The following CLGN variants were observed in gnomAD, a reference collection of about 807,000 sequenced individuals.
CLGN encodes the protein calmegin.
A neutral mutation model predicts 79.1 loss-of-function variants in CLGN; 62 were observed. The ratio of observed to expected loss-of-function variants is 0.78; its 90% CI spans 0.64 to 0.97. CLGN has a LOEUF of 0.97. Among genes scored for constraint, CLGN ranks in the 50% least tolerant of loss-of-function variants. The pLI is 0.00. For synonymous variants in CLGN, 225 were observed against 224.7 expected (o/e 1.00, Z -0.01); for missense variants, 647 against 715.5 (o/e 0.90, Z 1.09).
chr4:140,422,928 T>C (rs55718354), intron 1 of CLGN, among the ~76,000 whole-genome samples: 13,241 of 152,292 alleles, frequency 0.087, 895 homozygotes, highest in African/African-American at 0.19. Context: ...TCATTTATTA[T>C]TTCTAACAGA....
rs186073187 is a variant in CLGN, at chr4:140,406,136, A to G, written c.278-53T>C. 1.8e-5 allele frequency: 28 copies of G among 1,552,134 alleles called. No individual in the cohort carries two copies. In the East Asian group the frequency reaches 6.1e-4, roughly 34 times the overall value. On this transcript the variant is annotated intron_variant, in intron 4 of 14. Coordinates refer to ENST00000325617, the MANE Select transcript of CLGN (RefSeq NM_004362.3). ...CTAAAACAGAAAACATTGACCTAAGAATTATTTATCAGCAGTTGTGAACAA... is the reference window on the plus strand; with the variant it reads ...CTAAAACAGAAAACATTGACCTAAGGATTATTTATCAGCAGTTGTGAACAA...
At chr4:140,402,714 G>GT (rs3840293) in intron 5 of CLGN, among the ~76,000 whole-genome samples, 13 of 151,692 alleles carry the variant, frequency 8.6e-5, no homozygotes, top group African/African-American at 3.1e-4. Flanking sequence ...TCTCAGCAAA[G>GT]TTTTTTTTTC....
In CLGN at chr4:140,390,730, T is replaced by C; in HGVS notation, c.1652-2A>G. On this transcript the variant is annotated splice_acceptor_variant, in intron 13 of 14. Transcript: ENST00000325617. LOFTEE classifies it high-confidence loss of function. ...TTTCCTCAGGTTCACTTTCCTCTTC[T>C]AGAATACAGATTTTGTTAAAAGCAA... 6.3e-7 allele frequency: 1 copy of C among 1,588,034 alleles called. No homozygotes were observed. The highest frequency in any genetic ancestry group is 1.1e-5 in the South Asian group (1 of 88,172).
At chr4:140,390,760 T>C (rs1279075347) in intron 13 of CLGN, 32 bp from the exon 14 acceptor site, 3 of 1,439,182 alleles carry the variant, frequency 2.1e-6, no homozygotes, top group Non-Finnish European at 2.9e-6. Context: ...AAGCAAAGAC[T>C]CAATAAATTA....
At chr4:140,407,418 C>T (rs1051965632) in intron 4 of CLGN, among the ~76,000 whole-genome samples, 2 of 151,894 alleles carry the variant, frequency 1.3e-5, no homozygotes, top group African/African-American at 4.8e-5. Context: ...TGATTGCATA[C>T]CTAGAAAACC....
At position 140,413,011 on chromosome 4, in the gene CLGN, T is replaced by A; in HGVS notation, c.68A>T (p.Asp23Val). ...AAAGTCTTCCGTCTCAACATCATCA[T>A]CCATAAATTCTGCATTAATTGAGAT... The part of the protein sequence containing the change: ...LFISINAEFM[D>V]DDVETEDFEE... Residue 23 changes from aspartate (D) to valine (V), a missense_variant, in exon 2 of 15, where the codon GAT becomes GTT. Transcript: ENST00000325617. 1 of 1,613,346 alleles carries A rather than the reference T, an allele frequency of 6.2e-7. No individual in the cohort carries two copies. The highest frequency in any genetic ancestry group is 8.5e-7 in the Non-Finnish European group (1 of 1,179,506).
At chr4:140,410,858 C>T (rs1170409723) in intron 2 of CLGN, among the ~76,000 whole-genome samples, 1 of 151,928 alleles carries the variant, frequency 6.6e-6, no homozygotes, top group East Asian at 1.9e-4. Flanking sequence ...GATACACTGA[C>T]CCCTTCTAAC....
intron 1 of CLGN, among the ~76,000 whole-genome samples, chr4:140,420,993 T>G (rs922690992): frequency 6.6e-6 from 1 of 152,156 alleles, no homozygotes; most frequent in Non-Finnish European, 1.5e-5. Flanking sequence ...ACCATCTTTC[T>G]AATATCTATC....
In CLGN at chr4:140,400,378, TC is replaced by T; in HGVS notation, c.672del (p.Lys225ArgfsTer8). 1 of 1,611,180 alleles carries T rather than the reference TC, an allele frequency of 6.2e-7. No homozygotes were observed. On this transcript the variant is annotated frameshift_variant, in exon 7 of 15. Transcript: ENST00000325617. LOFTEE classifies it high-confidence loss of function. ...DVDLKKFFTD[R>X]KTHLYTLVMN... Reference sequence around the variant, plus strand: ...ATACCAAGGGTATAAAGATGAGTCTTCCTGTCTGTAAAGAACTTTTTAAGGT... The same window carrying T: ...ATACCAAGGGTATAAAGATGAGTCTTCTGTCTGTAAAGAACTTTTTAAGGT...
chr4:140,426,689 G>A (rs569175067), intron 1 of CLGN: 1 of 152,242 alleles, frequency 6.6e-6, no homozygotes, highest in South Asian at 2.1e-4. Flanking sequence ...TTCTTCCTGT[G>A]GCCACGTTAT....
Position 140,405,950 on chromosome 4 carries a change from C to T in CLGN, c.411G>A (p.Leu137=). Residue 137 remains leucine (L), a synonymous_variant, in exon 5 of 15, where the codon TTG becomes TTA. Coordinates refer to ENST00000325617, the MANE Select transcript of CLGN (RefSeq NM_004362.3). ...AKPFIFADKP[L]IVQYEVNFQD... is the part of the protein sequence containing the mutation. Reference sequence around the variant, plus strand: ...AACATAGCAACACTTACTGAACTATCAAGGGTTTATCAGCAAAAATGAATG... The same window carrying T: ...AACATAGCAACACTTACTGAACTATTAAGGGTTTATCAGCAAAAATGAATG... 1 of 1,609,728 alleles carries T rather than the reference C, an allele frequency of 6.2e-7. No homozygotes were observed. The highest frequency in any genetic ancestry group is 2.2e-5 in the East Asian group (1 of 44,596).
rs1729085385 is a variant in CLGN at position 140,405,314 on chromosome 4, A to G, written c.419+628T>C. Among the ~76,000 whole-genome samples, 3 of 147,444 alleles carry G rather than the reference A, an allele frequency of 2.0e-5. No individual in the cohort carries two copies. The South Asian group carries it at 6.4e-4, about 31-fold the overall frequency. On this transcript the variant is annotated intron_variant, in intron 5 of 14. Transcript: ENST00000325617. ...ATTCTCCTGCCTCAGCCTCCCAAGT[A>G]GCTGGGACTACAGGCGCCCGCCACT...
chr4:140,415,543 C>T (rs1729311548), intron 1 of CLGN, among the ~76,000 whole-genome samples: 1 of 152,124 alleles, frequency 6.6e-6, no homozygotes, highest in East Asian at 1.9e-4. Context: ...AAGGCAGGGG[C>T]TGCAATCCTA....
chr4:140,398,579 T>C (rs1728938089), intron 8 of CLGN, among the ~76,000 whole-genome samples: 1 of 152,076 alleles, frequency 6.6e-6, no homozygotes, highest in African/African-American at 2.4e-5. Context: ...AGCACTGGTA[T>C]TTTGGATTTA....
At chr4:140,403,489 T>C (rs1729035964) in intron 5 of CLGN, among the ~76,000 whole-genome samples, 1 of 152,236 alleles carries the variant, frequency 6.6e-6, no homozygotes, top group African/African-American at 2.4e-5. Flanking sequence ...TGACAAAATT[T>C]TGTTTTTCAT....
chr4:140,425,994 G>A (rs1166264763), intron 1 of CLGN, among the ~76,000 whole-genome samples: 2 of 152,080 alleles, frequency 1.3e-5, no homozygotes, highest in African/African-American at 4.8e-5. Flanking sequence ...TAACTGCGAT[G>A]CCTTTCTGCT....
At chr4:140,405,813 G>A (rs1729096186) in intron 5 of CLGN, 129 bp downstream of exon 5, 2 of 846,304 alleles carry the variant, frequency 2.4e-6, no homozygotes, top group Admixed American at 3.3e-5. Flanking sequence ...GCACATTTGT[G>A]TTTTAACTAA....
At chr4:140,407,058 TA>T (rs1560744109) in intron 4 of CLGN, among the ~76,000 whole-genome samples, 2 of 152,156 alleles carry the variant, frequency 1.3e-5, no homozygotes, top group Non-Finnish European at 2.9e-5. Context: ...CACAGTCTTA[TA>T]AATCAAAGAG....
intron 3 of CLGN, among the ~76,000 whole-genome samples, chr4:140,410,316 A>C (rs1729186391): frequency 2.0e-5 from 3 of 152,058 alleles, no homozygotes; most frequent in Non-Finnish European, 4.4e-5. Flanking sequence ...GAATAAAGAA[A>C]TGTTATAAAT....
Sources: gnomAD v4.1 joint callset for allele counts (sites outside exome capture counted in the v4.1 genomes callset) on GRCh38, gnomAD v4.1.1 for gene constraint, MANE v1.5 for transcripts, NCBI Gene and HGNC (gene_info 2026-07-23, HGNC 2026-07-21) for gene names.